The following ARHGEF10 variants were observed in gnomAD, a reference collection of about 807,000 sequenced individuals.
The protein encoded by ARHGEF10 is Rho guanine nucleotide exchange factor 10.
Under a neutral mutation model 147.4 loss-of-function variants are expected in ARHGEF10, and 140 were observed. The ratio of observed to expected loss-of-function variants is 0.95; its 90% CI spans 0.83 to 1.09. The LOEUF (loss-of-function observed/expected upper bound fraction) is 1.09, where lower values mean the gene tolerates loss of function less well. Among genes scored for constraint, ARHGEF10 ranks in the 50% least tolerant of loss-of-function variants. ARHGEF10 has a pLI of 0.00. For synonymous variants in ARHGEF10, 902 were observed against 695.8 expected, an observed-to-expected ratio of 1.30 and a Z score of -4.67; for missense variants, 2,222 against 1,752.7, an observed-to-expected ratio of 1.27 and a Z score of -4.78.
intron 1 of ARHGEF10, among the ~76,000 whole-genome samples, chr8:1,829,026 C>T (rs988574264): frequency 8.5e-5 from 13 of 152,242 alleles, no homozygotes; most frequent in Admixed American, 8.5e-4. Context: ...TGAGCGGACA[C>T]GGACGGGGAG....
chr8:1,910,223 A>G (rs553293895), intron 18 of ARHGEF10, among the ~76,000 whole-genome samples: 5 of 152,360 alleles, frequency 3.3e-5, no homozygotes, highest in African/African-American at 1.2e-4. Flanking sequence ...TTAAATATGC[A>G]TGAATTTTTC....
At position 1,952,702 on chromosome 8, in the gene ARHGEF10, C is replaced by T. The variant is rs1461598125; in HGVS notation, c.3398-3C>T. Reference sequence around the variant, plus strand: ...CCGAAGCCACTCATGTCTTTCCGCCCAGGGCACCAGCGGCTGTCGGTGACG... The same window carrying T: ...CCGAAGCCACTCATGTCTTTCCGCCTAGGGCACCAGCGGCTGTCGGTGACG... On this transcript the variant is annotated splice_polypyrimidine_tract_variant and splice_region_variant and intron_variant, in intron 27 of 28. Coordinates refer to ENST00000349830, the MANE Select transcript of ARHGEF10 (RefSeq NM_014629.4). 6.2e-7 allele frequency: 1 copy of T among 1,613,558 alleles called. No individual in the cohort carries two copies. Among genetic ancestry groups the T allele is most frequent in the East Asian group, 2.2e-5 (1 of 44,870 alleles).
intron 27 of ARHGEF10, among the ~76,000 whole-genome samples, chr8:1,946,125 A>T (rs184013991): frequency 6.6e-6 from 1 of 152,274 alleles, no homozygotes; most frequent in African/African-American, 2.4e-5. Flanking sequence ...GTTTCTGGGC[A>T]GGGGAGAAGG....
rs140558923 is a variant in ARHGEF10 at position 1,879,574 on chromosome 8, A to T, written c.844-474A>T. On this transcript the variant is annotated intron_variant, in intron 8 of 28. Coordinates refer to ENST00000349830, the MANE Select transcript of ARHGEF10 (RefSeq NM_014629.4). Reference sequence around the variant, plus strand: ...TTATCTCTCTTTTTTTTTTTTGGAGACAGGGTCTTACTCTGTCTGCCAGGC... The same window carrying T: ...TTATCTCTCTTTTTTTTTTTTGGAGTCAGGGTCTTACTCTGTCTGCCAGGC... Among the ~76,000 whole-genome samples, 367 of 146,894 alleles carry T rather than the reference A, an allele frequency of 2.5e-3. 4 individuals carry two copies. The highest frequency in any genetic ancestry group is 9.1e-3 in the African/African-American group (357 of 39,374).
chr8:1,849,332 A>G (rs768924061), intron 2 of ARHGEF10, among the ~76,000 whole-genome samples: 1 of 150,470 alleles, frequency 6.6e-6, no homozygotes, highest in Non-Finnish European at 1.5e-5. Flanking sequence ...CCACGTGGAC[A>G]CAGACAGCAA....
At chr8:1,928,886 C>G (rs1228012125) in intron 24 of ARHGEF10, among the ~76,000 whole-genome samples, 1 of 152,144 alleles carries the variant, frequency 6.6e-6, no homozygotes, top group East Asian at 1.9e-4. Flanking sequence ...TTAAAGGGGA[C>G]AGTTTGGCTG....
At chr8:1,935,759 G>C (rs1446090993) in intron 26 of ARHGEF10, among the ~76,000 whole-genome samples, 2 of 152,250 alleles carry the variant, frequency 1.3e-5, no homozygotes, top group African/African-American at 4.8e-5. Context: ...TGTCCTAAAT[G>C]CATGTGCATG....
chr8:1,953,920 T>A (rs889124318), intron 28 of ARHGEF10, among the ~76,000 whole-genome samples: 2 of 152,196 alleles, frequency 1.3e-5, no homozygotes, highest in Non-Finnish European at 2.9e-5. Flanking sequence ...TGTGATTTCC[T>A]CCCAGGCCGA....
chr8:1,917,947 T>A (rs78813459), intron 18 of ARHGEF10, among the ~76,000 whole-genome samples: 1 of 145,266 alleles, frequency 6.9e-6, no homozygotes. Context: ...CCTGGCTAAT[T>A]TTTTTTTTTT....
At chr8:1,871,873 C>T (rs1390605185) in intron 7 of ARHGEF10, among the ~76,000 whole-genome samples, 1 of 151,912 alleles carries the variant, frequency 6.6e-6, no homozygotes, top group Non-Finnish European at 1.5e-5. Flanking sequence ...CAGCCAGCTG[C>T]ACGAAAGAGC....
In ARHGEF10 at chr8:1,928,554, A is replaced by G; in HGVS notation, c.2825A>G (p.Glu942Gly). 6.2e-7 allele frequency: 1 copy of G among 1,614,186 alleles called. No homozygotes were observed. The highest frequency in any genetic ancestry group is 8.5e-7 in the Non-Finnish European group (1 of 1,180,032). Reference sequence around the variant, plus strand: ...TGCATGCTGTACGTTCCCGTCGAGGAGAAGCGCAGAGAGCCTGGGGCACCC... The same window carrying G: ...TGCATGCTGTACGTTCCCGTCGAGGGGAAGCGCAGAGAGCCTGGGGCACCC... The part of the protein sequence containing the change: ...ILCMLYVPVE[E>G]KRREPGAPPD... Residue 942 changes from glutamate (E) to glycine (G), a missense_variant, in exon 24 of 29, where the codon GAG (glutamate) becomes GGG (glycine). Transcript: ENST00000349830.
chr8:1,831,111 C>T (rs530170902), intron 1 of ARHGEF10, among the ~76,000 whole-genome samples: 5 of 152,322 alleles, frequency 3.3e-5, no homozygotes, highest in South Asian at 2.1e-4. Flanking sequence ...GGAAGGGCCA[C>T]GGGCCAGACC....
At chr8:1,912,751 C>G (rs1043423713) in intron 18 of ARHGEF10, among the ~76,000 whole-genome samples, 1 of 151,968 alleles carries the variant, frequency 6.6e-6, no homozygotes, top group African/African-American at 2.4e-5. Flanking sequence ...TGTCGTGTCC[C>G]CTATGGATCC....
rs530660316 is a variant in ARHGEF10, at chr8:1,948,691, C to T, written c.3397+3036C>T. ...TGTGACTCAGAGGGAATGAGCAGGC[C>T]AGAGAGTCCTTTCCTCCAGAGAGTC... On this transcript the variant is annotated intron_variant, in intron 27 of 28. Transcript: ENST00000349830. This position sits in a 1 kb window ranked among gnomAD's most constrained non-coding sequence, Gnocchi z 4.9. Among the ~76,000 whole-genome samples, 29 of 152,276 alleles carry T rather than the reference C, an allele frequency of 1.9e-4. No individual in the cohort carries two copies. Among genetic ancestry groups the T allele is most frequent in the African/African-American group, 6.5e-4 (27 of 41,566 alleles).
At chr8:1,924,775 C>A (rs1185373405) in intron 21 of ARHGEF10, among the ~76,000 whole-genome samples, 2 of 152,216 alleles carry the variant, frequency 1.3e-5, no homozygotes, top group Non-Finnish European at 2.9e-5. Flanking sequence ...TGCAGATAAG[C>A]CCCCTTTCGT....
rs2129281015 is a variant in ARHGEF10, at chr8:1,948,225, G to T, written c.3397+2570G>T. 6.6e-6 allele frequency among the ~76,000 whole-genome samples: 1 copy of T among 152,268 alleles called. No homozygotes were observed. The highest frequency in any genetic ancestry group is 3.4e-3 in the Middle Eastern group (1 of 294). ...CTCTCCCGGGCCCCTCCAACATCCT[G>T]GGCTGGCTCTCCATGGCCACAGTGC... On this transcript the variant is annotated intron_variant, in intron 27 of 28. Coordinates refer to ENST00000349830, the MANE Select transcript of ARHGEF10 (RefSeq NM_014629.4). This position sits in a 1 kb window ranked among gnomAD's most constrained non-coding sequence, Gnocchi z 4.9.
chr8:1,880,464 T>C (rs1808092672), intron 9 of ARHGEF10, among the ~76,000 whole-genome samples: 1 of 152,238 alleles, frequency 6.6e-6, no homozygotes, highest in Non-Finnish European at 1.5e-5. Context: ...CAATGCCACT[T>C]TCTGTTTGTT....
Position 1,876,609 on chromosome 8 carries a change from G to A in ARHGEF10, c.718G>A (p.Gly240Ser), listed in dbSNP as rs1198149798. The A allele has an allele frequency of 1.2e-6, 2 of 1,614,126 alleles. No individual in the cohort carries two copies. Among genetic ancestry groups the A allele is most frequent in the Non-Finnish European group, 1.7e-6 (2 of 1,180,048 alleles). Residue 240 changes from glycine to serine, a missense_variant, in exon 8 of 29, where the codon GGT becomes AGT. Gly to Ser is a moderately conservative substitution (Grantham distance 56, BLOSUM62 0). Transcript: ENST00000349830. ...TGATGATGTTGAGAATGGGGATGAAGGTGGAAACAGCTCCTTGGAATACGG... is the reference window on the plus strand; with the variant it reads ...TGATGATGTTGAGAATGGGGATGAAAGTGGAAACAGCTCCTTGGAATACGG... ...IYDDVENGDE[G>S]GNSSLEYGWS...
intron 11 of ARHGEF10, among the ~76,000 whole-genome samples, chr8:1,891,560 A>C (rs1334192957): frequency 6.6e-6 from 1 of 152,194 alleles, no homozygotes; most frequent in East Asian, 1.9e-4. Context: ...CCCAGGCACC[A>C]TCCGCAGCTC....
Sources: gnomAD v4.1 joint callset for allele counts (sites outside exome capture counted in the v4.1 genomes callset) on GRCh38, gnomAD v4.1.1 for gene constraint, Gnocchi (gnomAD v3.1) non-coding constraint, MANE v1.5 for transcripts, NCBI Gene and HGNC (gene_info 2026-07-23, HGNC 2026-07-21) for gene names.